Variants in KLKB1 observed in about 807,000 individuals in gnomAD.
The protein encoded by KLKB1 is plasma kallikrein.
In KLKB1, 58 loss-of-function variants were observed where a neutral mutation model predicts 73.6. The ratio of observed to expected loss-of-function variants is 0.79; its 90% CI spans 0.64 to 0.98. The LOEUF (loss-of-function observed/expected upper bound fraction) is 0.98. Among genes scored for constraint, KLKB1 ranks in the 50% least tolerant of loss-of-function variants. KLKB1 has a pLI of 0.00. For missense variants in KLKB1, 737 were observed against 763.8 expected (o/e 0.96, Z 0.41); for synonymous variants, 280 against 258.1 (o/e 1.08, Z -0.81).
chr4:186,255,689 A>G (rs571790057), intron 12 of KLKB1, among the ~76,000 whole-genome samples: 2 of 152,342 alleles, frequency 1.3e-5, no homozygotes, highest in South Asian at 4.1e-4. Context: ...ATACCCTGCT[A>G]TGACTATTAA....
intron 2 of KLKB1, among the ~76,000 whole-genome samples, chr4:186,215,455 C>CTTT (rs1210873208): frequency 7.3e-6 from 1 of 136,152 alleles, no homozygotes; most frequent in Non-Finnish European, 1.6e-5. Context: ...GCTTGCTTTC[C>CTTT]TTTTTTTTTT....
chr4:186,246,696 A>G (rs1325670731), intron 6 of KLKB1, among the ~76,000 whole-genome samples: 4 of 152,044 alleles, frequency 2.6e-5, no homozygotes, highest in Non-Finnish European at 5.9e-5. Context: ...AGCCCAGAGA[A>G]AAGAGAGGGT....
chr4:186,236,302 G>A (rs942438268), intron 4 of KLKB1, among the ~76,000 whole-genome samples: 1 of 152,178 alleles, frequency 6.6e-6, no homozygotes, highest in East Asian at 1.9e-4. Context: ...TGTAATGATT[G>A]ATCTGGATGC....
intron 12 of KLKB1, among the ~76,000 whole-genome samples, chr4:186,255,268 A>G (rs1216796641): frequency 2.0e-5 from 3 of 152,182 alleles, no homozygotes; most frequent in Non-Finnish European, 4.4e-5. Flanking sequence ...ACTGTATCCA[A>G]TAACATTCAT....
At chr4:186,219,254 A>G (rs1736978376) in intron 2 of KLKB1, among the ~76,000 whole-genome samples, 1 of 152,082 alleles carries the variant, frequency 6.6e-6, no homozygotes, top group African/African-American at 2.4e-5. Flanking sequence ...GCATCCTTCA[A>G]TCCAGTCAAG....
intron 12 of KLKB1, 150 bp downstream of exon 12, chr4:186,254,913 A>T (rs1007224558): frequency 1.8e-5 from 12 of 657,614 alleles, no homozygotes; most frequent in Non-Finnish European, 2.6e-5. Flanking sequence ...GGAAGTGAAG[A>T]CCCCGCGACT....
At chr4:186,243,986 T>C (rs745473992) in intron 6 of KLKB1, among the ~76,000 whole-genome samples, 1 of 152,054 alleles carries the variant, frequency 6.6e-6, no homozygotes, top group African/African-American at 2.4e-5. Flanking sequence ...ATCAGAGAGA[T>C]ACAGTCATGG....
chr4:186,252,190 G>A lies in KLKB1; in HGVS notation c.1313+5G>A, dbSNP rs918891314. On this transcript the variant is annotated splice_donor_5th_base_variant and intron_variant, in intron 11 of 14. Coordinates refer to ENST00000264690, the MANE Select transcript of KLKB1 (RefSeq NM_000892.5). ...TGCTGCCCACTGCTTTGATGGGTAAGTGTTGGATGCATCTCATCCAGAGTC... is the reference window on the plus strand; with the variant it reads ...TGCTGCCCACTGCTTTGATGGGTAAATGTTGGATGCATCTCATCCAGAGTC... 1.2e-6 allele frequency: 2 copies of A among 1,613,410 alleles called. No homozygotes were observed. The highest frequency in any genetic ancestry group is 1.3e-5 in the African/African-American group (1 of 75,064).
At chr4:186,257,163 T>G (rs1739044343) in intron 13 of KLKB1, 63 bp from the exon 14 acceptor site, 1 of 825,930 alleles carries the variant, frequency 1.2e-6, no homozygotes, top group Non-Finnish European at 1.8e-6. Flanking sequence ...CCCAATATTA[T>G]TATTTATTAT....
chr4:186,234,216 C>A (rs1236605473), intron 4 of KLKB1, among the ~76,000 whole-genome samples, 158 bp downstream of exon 4: 1 of 152,180 alleles, frequency 6.6e-6, no homozygotes, highest in African/African-American at 2.4e-5. Flanking sequence ...GACCCATATT[C>A]ATCTGGACAC....
chr4:186,252,569 C>G (rs1580034995), intron 11 of KLKB1, among the ~76,000 whole-genome samples: 1 of 103,376 alleles, frequency 9.7e-6, no homozygotes, highest in Non-Finnish European at 2.2e-5. Context: ...ACCAATCCCA[C>G]CACCAATCCC....
rs181803608 is a variant in KLKB1, at chr4:186,246,995, C to T, written c.599-3248C>T. On this transcript the variant is annotated intron_variant, in intron 6 of 14. Coordinates refer to ENST00000264690, the MANE Select transcript of KLKB1 (RefSeq NM_000892.5). ...AGAGAAGGGAGAGATTGAAGGATGG[C>T]GCCAAGATTGAAAGGAAAAAGAGGT... is the stretch of plus-strand genomic sequence containing the variant. Among the ~76,000 whole-genome samples, 802 of 152,024 alleles carry T rather than the reference C, an allele frequency of 5.3e-3. 5 individuals are homozygous for T. Among genetic ancestry groups the T allele is most frequent in the Admixed American group, 8.3e-3 (126 of 15,260 alleles).
At chr4:186,211,839 T>C (rs945288618) in intron 2 of KLKB1, 39 of 152,212 alleles carry the variant, frequency 2.6e-4, no homozygotes, top group African/African-American at 9.2e-4. Flanking sequence ...CAGATTATTT[T>C]AAGTTGATTA....
upstream of KLKB1, among the ~76,000 whole-genome samples, chr4:186,225,501 G>A (rs1477404621): frequency 3.4e-5 from 5 of 145,284 alleles, no homozygotes; most frequent in South Asian, 2.1e-4. Context: ...GCGCAATCTC[G>A]GCTCACTGCA....
upstream of KLKB1, among the ~76,000 whole-genome samples, chr4:186,223,751 G>A (rs1414252153): frequency 2.6e-5 from 4 of 152,214 alleles, no homozygotes; most frequent in African/African-American, 7.2e-5. Flanking sequence ...TTTGCAGCCT[G>A]ACCATGTGGT....
rs1391842919 is a variant in KLKB1, at chr4:186,245,772, G to A, written c.599-4471G>A. ...GCGAGGTTAATTAAGTCCTCTTGTG[G>A]GGTTTGAGGGCTGGAATCTAATTTT... On this transcript the variant is annotated intron_variant, in intron 6 of 14. Coordinates refer to ENST00000264690, the MANE Select transcript of KLKB1 (RefSeq NM_000892.5). Among the ~76,000 whole-genome samples the A allele has an allele frequency of 3.4e-5, 5 of 148,050 alleles. No individual in the cohort carries two copies. In the South Asian group the frequency reaches 8.5e-4, roughly 25 times the overall value.
intron 3 of KLKB1, among the ~76,000 whole-genome samples, chr4:186,233,277 T>C (rs1737492862): frequency 1.3e-5 from 2 of 152,220 alleles, no homozygotes; most frequent in Admixed American, 6.5e-5. Flanking sequence ...TTCATCTTAA[T>C]GATTTTTCCT....
Position 186,251,764 on chromosome 4 carries a change from A to G in KLKB1, c.1047A>G (p.Leu349=), listed in dbSNP as rs750791677. The G allele has an allele frequency of 2.5e-6, 4 of 1,613,478 alleles. No individual in the cohort carries two copies. The highest frequency in any genetic ancestry group is 3.4e-6 in the Non-Finnish European group (4 of 1,179,518). The change falls in exon 10 of 15, where the codon TTA becomes TTG. Residue 349 remains leucine, a synonymous_variant. Coordinates refer to ENST00000264690, the MANE Select transcript of KLKB1 (RefSeq NM_000892.5). ...TTTCATCTAGGTGTAAGTGTTTCTT[A>G]AGATTATCTATGGATGGTTCTCCAA... ...DCKEEKCKCF[L]RLSMDGSPTR...
At chr4:186,240,386 A>ACAATAT (rs1737965282) in intron 6 of KLKB1, among the ~76,000 whole-genome samples, 1 of 152,146 alleles carries the variant, frequency 6.6e-6, no homozygotes, top group Non-Finnish European at 1.5e-5. Context: ...TTATAGTTAT[A>ACAATAT]GGTACAGTGA....
Sources: allele counts gnomAD v4.1 joint callset (sites outside exome capture counted in the v4.1 genomes callset), GRCh38; gene constraint gnomAD v4.1.1; transcripts MANE v1.5; gene names NCBI Gene and HGNC (gene_info 2026-07-23, HGNC 2026-07-21).